DEUP1: variants seen among roughly 807,000 people sequenced by gnomAD.
DEUP1 encodes coiled-coil domain containing 67.
In DEUP1, 82 loss-of-function variants were observed where a neutral mutation model predicts 87.4. The observed-to-expected ratio is 0.94, with a 90% CI of 0.78 to 1.13. The LOEUF (loss-of-function observed/expected upper bound fraction) is 1.13, where lower values mean the gene tolerates loss of function less well. DEUP1 is among the 50% of genes most tolerant of loss of function. The pLI is 0.00. For missense variants in DEUP1, 663 were observed against 681.5 expected, an observed-to-expected ratio of 0.97 and a Z score of 0.30; for synonymous variants, 214 against 222.7, an observed-to-expected ratio of 0.96 and a Z score of 0.35.
At chr11:93,418,259 A>T (rs1273311145) in intron 13 of DEUP1, among the ~76,000 whole-genome samples, 1 of 152,146 alleles carries the variant, frequency 6.6e-6, no homozygotes, top group Non-Finnish European at 1.5e-5. Context: ...ACAAAATGGG[A>T]GAAAATTTTC....
At chr11:93,356,543 A>G (rs1944905913) in intron 3 of DEUP1, among the ~76,000 whole-genome samples, 1 of 152,200 alleles carries the variant, frequency 6.6e-6, no homozygotes, top group South Asian at 2.1e-4. Flanking sequence ...TGTTATAAAA[A>G]TGTATCAATT....
chr11:93,418,853 TA>T (rs1052656713), intron 13 of DEUP1, among the ~76,000 whole-genome samples: 1 of 151,952 alleles, frequency 6.6e-6, no homozygotes, highest in African/African-American at 2.4e-5. Context: ...TATGCAGCCA[TA>T]AAAAATGATG....
chr11:93,357,365 T>C (rs926155780), intron 4 of DEUP1: 1 of 182,864 alleles, frequency 5.5e-6, no homozygotes, highest in Non-Finnish European at 1.1e-5. Flanking sequence ...TTATTTTTTG[T>C]GGTTATTACT....
intron 7 of DEUP1, among the ~76,000 whole-genome samples, chr11:93,376,366 G>A (rs1376907657): frequency 2.8e-4 from 42 of 152,208 alleles, no homozygotes; most frequent in African/African-American, 1.4e-4. Context: ...GTATATTTCC[G>A]GGAATTTGTC....
Position 93,408,213 on chromosome 11 carries a change from G to A in DEUP1, c.1327-18G>A, listed in dbSNP as rs1783816199. On this transcript the variant is annotated intron_variant, in intron 11 of 13. Transcript: ENST00000298050. ...ATAAGGGGCAGTTTATTCAATGATA[G>A]TTTATTTTATTCTCTAGAGTATGGA... 4 of 1,496,470 alleles carry A rather than the reference G, an allele frequency of 2.7e-6. No homozygotes were observed. The highest frequency in any genetic ancestry group is 3.6e-6 in the Non-Finnish European group (4 of 1,117,916). The allele number at this position is 1,496,470 out of a possible 1,614,324, so 92.7% of individuals were successfully genotyped here.
Position 93,408,469 on chromosome 11 carries a change from T to C in DEUP1, c.1523+42T>C, listed in dbSNP as rs188099630. On this transcript the variant is annotated intron_variant, in intron 12 of 13. Transcript: ENST00000298050. ...ATATAAGGGCATAAGTTTAAAAACA[T>C]GTAATTAAAATTTATTTTTAAAGAA... 2.6e-4 allele frequency: 319 copies of C among 1,219,996 alleles called. 1 individual carries two copies. The African/African-American group carries it at 4.4e-3, about 17-fold the overall frequency. The allele number at this position is 1,219,996 out of a possible 1,614,324, so 75.6% of individuals were successfully genotyped here. A position where few individuals can be genotyped will look rare whatever the true frequency, so the allele number is the denominator to read the frequency against.
chr11:93,432,241 CA>C (rs1285461256), intron 13 of DEUP1, among the ~76,000 whole-genome samples: 1 of 152,064 alleles, frequency 6.6e-6, no homozygotes, highest in Non-Finnish European at 1.5e-5. Flanking sequence ...TTTGCAGAAA[CA>C]AAGTCACTGA....
rs561660280 is a variant in DEUP1 at position 93,340,129 on chromosome 11, T to C, written c.29+7841T>C. Among the ~76,000 whole-genome samples the C allele has an allele frequency of 2.0e-5, 3 of 152,218 alleles. No homozygotes were observed. In the South Asian group the frequency reaches 6.2e-4, roughly 32 times the overall value. ...CAGTCTAGTGGAGGGAAACAGATTA[T>C]AGCAAATAAATAAATCTATATTATG... On this transcript the variant is annotated intron_variant, in intron 2 of 13. Transcript: ENST00000298050.
At chr11:93,415,177 T>C in intron 13 of DEUP1, 63 bp downstream of exon 13, 1 of 973,800 alleles carries the variant, frequency 1.0e-6, no homozygotes, top group Non-Finnish European at 1.6e-6. Flanking sequence ...CTTACACTGA[T>C]GTCAATAAAC....
chr11:93,349,565 T>A (rs1187828855), intron 2 of DEUP1, among the ~76,000 whole-genome samples: 1 of 137,196 alleles, frequency 7.3e-6, no homozygotes, highest in Non-Finnish European at 1.6e-5. Context: ...CCAAATGGTA[T>A]GTTTCAAGGA....
At chr11:93,408,858 G>GT (rs1164754203) in intron 12 of DEUP1, among the ~76,000 whole-genome samples, 1 of 150,546 alleles carries the variant, frequency 6.6e-6, no homozygotes, top group Non-Finnish European at 1.5e-5. Context: ...TTTGGGGTTT[G>GT]TTTGTTTGTT....
At chr11:93,339,024 CT>C (rs776425582) in intron 2 of DEUP1, among the ~76,000 whole-genome samples, 2 of 152,154 alleles carry the variant, frequency 1.3e-5, no homozygotes, top group South Asian at 4.1e-4. Context: ...CTTTCATGGA[CT>C]CTCCAAGGGT....
intron 9 of DEUP1, among the ~76,000 whole-genome samples, chr11:93,389,375 A>G (rs924848441): frequency 1.3e-5 from 2 of 152,210 alleles, no homozygotes; most frequent in African/African-American, 2.4e-5. Flanking sequence ...TGGAGGCTCC[A>G]TGATAGGTGG....
chr11:93,385,622 A>G, intron 8 of DEUP1, 79 bp downstream of exon 8: 2 of 1,115,186 alleles, frequency 1.8e-6, no homozygotes, highest in Non-Finnish European at 2.5e-6. Context: ...TTTATATTTG[A>G]AATGAGAATA....
At chr11:93,412,358 A>G (rs1947462172) in intron 12 of DEUP1, among the ~76,000 whole-genome samples, 1 of 152,240 alleles carries the variant, frequency 6.6e-6, no homozygotes, top group South Asian at 2.1e-4. Flanking sequence ...AAAGCCTTCC[A>G]AAATCATTTT....
At chr11:93,392,036 G>A (rs1946780107) in intron 9 of DEUP1, among the ~76,000 whole-genome samples, 1 of 152,076 alleles carries the variant, frequency 6.6e-6, no homozygotes, top group African/African-American at 2.4e-5. Flanking sequence ...TGAATATGCT[G>A]GTAATATGAA....
At chr11:93,435,749 C>A (rs1448308136) in intron 13 of DEUP1, among the ~76,000 whole-genome samples, 3 of 152,132 alleles carry the variant, frequency 2.0e-5, no homozygotes, top group Non-Finnish European at 4.4e-5. Flanking sequence ...GTAATCCCAG[C>A]ACTTTGGGAG....
chr11:93,430,222 C>T (rs1565354971), intron 13 of DEUP1, among the ~76,000 whole-genome samples: 1 of 151,818 alleles, frequency 6.6e-6, no homozygotes, highest in Non-Finnish European at 1.5e-5. Flanking sequence ...GTTATTTATT[C>T]ATAAAATAAA....
At chr11:93,398,896 T>C (rs1371759200) in intron 11 of DEUP1, among the ~76,000 whole-genome samples, 1 of 151,986 alleles carries the variant, frequency 6.6e-6, no homozygotes, top group African/African-American at 2.4e-5. Flanking sequence ...AATTTTTATA[T>C]ATTTTTAGTA....
Sources: allele counts gnomAD v4.1 joint callset (sites outside exome capture counted in the v4.1 genomes callset), GRCh38; gene constraint gnomAD v4.1.1; transcripts MANE v1.5; gene names NCBI Gene and HGNC (gene_info 2026-07-23, HGNC 2026-07-21).